NAV3: variants seen among roughly 807,000 people sequenced by gnomAD.
NAV3 encodes the protein pore membrane and/or filament interacting like protein 1.
In NAV3, 87 loss-of-function variants were observed where a neutral mutation model predicts 244.7. That is an observed-to-expected ratio of 0.36 (90% CI 0.30 to 0.42). The LOEUF is 0.42. NAV3 is among the 20% of genes least tolerant of loss of function. The probability of loss-of-function intolerance (pLI) is 1.00; values close to 1 mark genes in which losing one functional copy is unlikely to be tolerated. For missense variants in NAV3, 2,663 were observed against 2,893.3 expected (o/e 0.92, Z 1.83); for synonymous variants, 1,126 against 1,042.2 (o/e 1.08, Z -1.55).
chr12:78,045,322 G>T (rs1253013170), intron 9 of NAV3, among the ~76,000 whole-genome samples: 1 of 151,976 alleles, frequency 6.6e-6, no homozygotes, highest in Non-Finnish European at 1.5e-5. Flanking sequence ...TTGAGGCAGA[G>T]TCTTGCTCCA....
intron 2 of NAV3, among the ~76,000 whole-genome samples, chr12:77,680,134 A>G (rs1353313305): frequency 2.6e-5 from 4 of 152,154 alleles, no homozygotes; most frequent in Non-Finnish European, 5.9e-5. Context: ...GTATTGACTG[A>G]TGGAGGGACA....
At chr12:77,971,788 G>A (rs1893019198) in intron 5 of NAV3, among the ~76,000 whole-genome samples, 1 of 152,002 alleles carries the variant, frequency 6.6e-6, no homozygotes, top group African/African-American at 2.4e-5. Flanking sequence ...GCCAGAAAAT[G>A]TTCTTATATT....
intron 1 of NAV3, among the ~76,000 whole-genome samples, chr12:77,886,782 A>G (rs1883343198): frequency 1.3e-5 from 2 of 152,192 alleles, no homozygotes; most frequent in Non-Finnish European, 2.9e-5. Flanking sequence ...CTATCAATAA[A>G]TAATCATTGA....
intron 2 of NAV3, 95 bp from the exon 3 acceptor site, chr12:77,940,986 T>A (rs1184604795): frequency 1.2e-6 from 1 of 807,482 alleles, no homozygotes; most frequent in Non-Finnish European, 2.1e-6. Context: ...TTTTGCTTGG[T>A]ATTTTTTTTT....
At chr12:78,080,741 CTT>C (rs1953303127) in intron 12 of NAV3, among the ~76,000 whole-genome samples, 1 of 152,180 alleles carries the variant, frequency 6.6e-6, no homozygotes, top group Admixed American at 6.5e-5. Flanking sequence ...ACCCTGGACT[CTT>C]TTCTCCTATT....
At chr12:77,829,658 T>A (rs1350460276), upstream of NAV3, among the ~76,000 whole-genome samples, 1 of 152,338 alleles carries the variant, frequency 6.6e-6, no homozygotes, top group African/African-American at 2.4e-5. Flanking sequence ...TGTATTTGTT[T>A]TGTATTACCC....
intron 2 of NAV3, among the ~76,000 whole-genome samples, chr12:77,773,652 CA>C (rs1215017842): frequency 6.6e-6 from 1 of 151,796 alleles, no homozygotes; most frequent in African/African-American, 2.4e-5. Context: ...GCAGGAAAGG[CA>C]AAAAAAGAAT....
chr12:77,960,967 T>A (rs1237793796), intron 3 of NAV3, among the ~76,000 whole-genome samples: 2 of 146,712 alleles, frequency 1.4e-5, no homozygotes, highest in East Asian at 2.1e-4. Context: ...GCATGTAATA[T>A]ATGTATATAT....
chr12:77,725,789 G>A (rs1033625266), intron 2 of NAV3, among the ~76,000 whole-genome samples: 3 of 151,922 alleles, frequency 2.0e-5, no homozygotes, highest in African/African-American at 7.2e-5. Context: ...GGCCTCACTG[G>A]GTTAAATTTA....
chr12:77,945,843 G>A (rs1890284547), intron 3 of NAV3, among the ~76,000 whole-genome samples: 1 of 151,828 alleles, frequency 6.6e-6, no homozygotes, highest in African/African-American at 2.4e-5. Flanking sequence ...CACCTCCCGA[G>A]TTCAAGCAAT....
At chr12:78,069,902 G>A (rs1174517145) in intron 12 of NAV3, among the ~76,000 whole-genome samples, 1 of 151,956 alleles carries the variant, frequency 6.6e-6, no homozygotes, top group Non-Finnish European at 1.5e-5. Context: ...TTAATTTCAA[G>A]TATGTATTTG....
rs186378741 is a variant in NAV3, at chr12:77,801,956, G to A, written c.73-138363G>A. ...GTATTACATCTCTCTACTCTTCATAGTATTTTTGCTTATAGTTGCTGCTGA... is the reference window on the plus strand; with the variant it reads ...GTATTACATCTCTCTACTCTTCATAATATTTTTGCTTATAGTTGCTGCTGA... On this transcript the variant is annotated intron_variant, in intron 2 of 8. Coordinates refer to the NAV3 transcript ENST00000550042. Among the ~76,000 whole-genome samples the A allele has an allele frequency of 3.6e-3, 551 of 152,190 alleles. 3 individuals carry two copies. Among genetic ancestry groups the A allele is most frequent in the Admixed American group, 5.6e-3 (85 of 15,296 alleles).
At chr12:77,897,629 C>G (rs1461780444) in intron 1 of NAV3, among the ~76,000 whole-genome samples, 1 of 151,610 alleles carries the variant, frequency 6.6e-6, no homozygotes, top group Non-Finnish European at 1.5e-5. Flanking sequence ...CCCTCTTTGA[C>G]TTATTTCTCC....
intron 2 of NAV3, among the ~76,000 whole-genome samples, chr12:77,584,534 T>C (rs1869513149): frequency 6.6e-6 from 1 of 152,140 alleles, no homozygotes; most frequent in Non-Finnish European, 1.5e-5. Context: ...TTTCTTCCTA[T>C]GAGGGAAGGG....
At chr12:77,924,154 T>G (rs11107411) in intron 1 of NAV3, among the ~76,000 whole-genome samples, 54,934 of 151,928 alleles carry the variant, frequency 0.36, 10,438 homozygotes, top group African/African-American at 0.47. Context: ...TGCTTTGTTA[T>G]GTACAGTCAC....
intron 2 of NAV3, among the ~76,000 whole-genome samples, chr12:77,611,364 G>A (rs1870905913): frequency 6.6e-6 from 1 of 151,596 alleles, no homozygotes; most frequent in African/African-American, 2.4e-5. Flanking sequence ...TCACTTTCTG[G>A]AAAAAAAGAA....
chr12:77,585,249 C>G (rs1453865777), intron 2 of NAV3, among the ~76,000 whole-genome samples: 1 of 152,194 alleles, frequency 6.6e-6, no homozygotes, highest in Non-Finnish European at 1.5e-5. Flanking sequence ...CTTCAGGTCA[C>G]ATAACCACCT....
chr12:78,007,621 C>A (rs930644783), intron 8 of NAV3, among the ~76,000 whole-genome samples, 176 bp downstream of exon 8: 1 of 152,098 alleles, frequency 6.6e-6, no homozygotes, highest in East Asian at 1.9e-4. Context: ...AAAAGACTTC[C>A]AGTAGGATCT....
At chr12:77,917,390 C>T (rs964743456) in intron 1 of NAV3, among the ~76,000 whole-genome samples, 1 of 151,736 alleles carries the variant, frequency 6.6e-6, no homozygotes, top group Non-Finnish European at 1.5e-5. Context: ...CTATTGATAA[C>T]CTTTTCAGAA....
Sources: gnomAD v4.1 joint callset for allele counts (sites outside exome capture counted in the v4.1 genomes callset) on GRCh38, gnomAD v4.1.1 for gene constraint, MANE v1.5 for transcripts, NCBI Gene and HGNC (gene_info 2026-07-23, HGNC 2026-07-21) for gene names.